TRIP11: variants seen among roughly 807,000 people sequenced by gnomAD.
TRIP11 encodes the protein thyroid receptor-interacting protein 11.
In TRIP11, 148 loss-of-function variants were observed where a neutral mutation model predicts 223.1. The observed-to-expected ratio is 0.66, with a 90% CI of 0.58 to 0.76. The LOEUF is 0.76. TRIP11 is among the 30% of genes least tolerant of loss of function. TRIP11 has a pLI of 0.00. For synonymous variants in TRIP11, 762 were observed against 772.6 expected (o/e 0.99, Z 0.23); for missense variants, 2,043 against 2,222.0 (o/e 0.92, Z 1.62).
chr14:92,025,688 C>T (rs2057175571), intron 2 of TRIP11, among the ~76,000 whole-genome samples: 1 of 152,038 alleles, frequency 6.6e-6, no homozygotes, highest in African/African-American at 2.4e-5. Context: ...ACCATCCTGG[C>T]CAACATAGGG....
At chr14:92,027,587 A>C (rs373290284) in intron 2 of TRIP11, among the ~76,000 whole-genome samples, 10 of 152,330 alleles carry the variant, frequency 6.6e-5, no homozygotes, top group Admixed American at 5.2e-4. Context: ...AAAGAACATA[A>C]TGGGGCAAAA....
intron 11 of TRIP11, among the ~76,000 whole-genome samples, chr14:92,002,840 CA>C (rs1483958741): frequency 2.0e-5 from 3 of 152,066 alleles, no homozygotes; most frequent in African/African-American, 7.2e-5. Flanking sequence ...CTTGGCCTCC[CA>C]AACTGCTGAG....
intron 19 of TRIP11, among the ~76,000 whole-genome samples, chr14:91,974,195 C>T (rs1365091574): frequency 6.6e-6 from 1 of 152,138 alleles, no homozygotes; most frequent in East Asian, 1.9e-4. Flanking sequence ...TGAGGGCAGG[C>T]GCCGTTTCTA....
intron 2 of TRIP11, among the ~76,000 whole-genome samples, chr14:92,031,341 G>A (rs1379774918): frequency 6.6e-6 from 1 of 152,000 alleles, no homozygotes; most frequent in Non-Finnish European, 1.5e-5. Flanking sequence ...CTGACCTCAA[G>A]TGATCTGCCC....
At position 91,969,153 on chromosome 14, in the gene TRIP11, G is replaced by A. The variant is rs748904826; in HGVS notation, c.*520C>T. ...AGGACCAAATACATACTTCACCTCA[G>A]GGAACCTATGACCTTCCAGCAACAA... is the stretch of plus-strand genomic sequence containing the variant. On this transcript the variant is annotated 3_prime_UTR_variant, in exon 21 of 21. Coordinates refer to ENST00000267622, the MANE Select transcript of TRIP11 (RefSeq NM_004239.4). 8.2e-6 allele frequency: 2 copies of A among 244,160 alleles called. No individual in the cohort carries two copies. The highest frequency in any genetic ancestry group is 5.9e-5 in the East Asian group (1 of 16,860). The allele number at this position is 244,160 out of a possible 1,614,324, so 15.1% of individuals were successfully genotyped here.
At chr14:92,017,139 G>A (rs1250199408) in intron 5 of TRIP11, among the ~76,000 whole-genome samples, 2 of 152,076 alleles carry the variant, frequency 1.3e-5, no homozygotes, top group Non-Finnish European at 2.9e-5. Context: ...ATAGAGTATA[G>A]AGACTTACGA....
intron 4 of TRIP11, among the ~76,000 whole-genome samples, chr14:92,020,125 G>T (rs113157454): frequency 6.6e-6 from 1 of 151,828 alleles, no homozygotes; most frequent in Non-Finnish European, 1.5e-5. Context: ...GGTGGCGGGC[G>T]CCTGTAATCC....
At chr14:91,998,785 C>A (rs548533375) in intron 13 of TRIP11, among the ~76,000 whole-genome samples, 115 of 151,944 alleles carry the variant, frequency 7.6e-4, no homozygotes, top group African/African-American at 2.7e-3. Context: ...GCTAATAAAC[C>A]CAGTTAATTC....
chr14:91,995,007 G>A (rs911061758), intron 14 of TRIP11, among the ~76,000 whole-genome samples: 4 of 152,048 alleles, frequency 2.6e-5, no homozygotes, highest in African/African-American at 4.8e-5. Context: ...TTGTATGTGC[G>A]TATCTCTCTT....
At chr14:92,029,309 T>TTTTTA (rs1385592807) in intron 2 of TRIP11, among the ~76,000 whole-genome samples, 133 of 86,936 alleles carry the variant, frequency 1.5e-3, no homozygotes, top group African/African-American at 5.2e-3. Context: ...TTTTTTTTTT[T>TTTTTA]TTTTGAGATG....
Position 91,974,522 on chromosome 14 carries a change from G to T in TRIP11, c.5574+105C>A. 3 of 933,644 alleles carry T rather than the reference G, an allele frequency of 3.2e-6. No homozygotes were observed. The South Asian group carries it at 4.3e-5, about 13-fold the overall frequency. The allele number at this position is 933,644 out of a possible 1,614,324, so 57.8% of individuals were successfully genotyped here. On this transcript the variant is annotated intron_variant, in intron 19 of 20. Coordinates refer to ENST00000267622, the MANE Select transcript of TRIP11 (RefSeq NM_004239.4). ...CAGTTTCTGCAACTTCAAAATAAAA[G>T]GGTTGTATAAAATAATTTTAAAAAA...
At chr14:92,030,195 C>G (rs1211885040) in intron 2 of TRIP11, among the ~76,000 whole-genome samples, 3 of 89,518 alleles carry the variant, frequency 3.4e-5, no homozygotes, top group African/African-American at 1.5e-4. Context: ...CAGAGCGAGA[C>G]TCCGTCTCAA....
rs773767459 is a variant in TRIP11 at position 91,999,254 on chromosome 14, T to C, written c.4878A>G (p.Ala1626=). The change falls in exon 13 of 21, where the codon GCA becomes GCG. Residue 1626 remains alanine, a synonymous_variant. Coordinates refer to ENST00000267622, the MANE Select transcript of TRIP11 (RefSeq NM_004239.4). ...GAAAAAATTACCTTGCATTTTCCAT[T>C]GCATTAGAGGATGAAACTAGCTTTT... is the stretch of plus-strand genomic sequence containing the variant. The part of the protein sequence containing the change: ...LEEKLVSSSN[A]MENASHQASV... 1.2e-6 allele frequency: 2 copies of C among 1,613,436 alleles called. No individual in the cohort carries two copies. The highest frequency in any genetic ancestry group is 1.7e-6 in the Non-Finnish European group (2 of 1,179,854).
At position 92,005,094 on chromosome 14, in the gene TRIP11, T is replaced by C. The variant is rs759874577; in HGVS notation, c.2882A>G (p.Lys961Arg). The change falls in exon 11 of 21, where the codon AAG becomes AGG. Residue 961 changes from lysine to arginine, a missense_variant. By Grantham distance (26) the Lys-to-Arg change is conservative. Coordinates refer to ENST00000267622, the MANE Select transcript of TRIP11 (RefSeq NM_004239.4). ...TTGCAAACTCTTAATTTCCTCATCC[T>C]TCTCTAAAAAGAGCTGGGTGTGTGT... ...NATHTQLFLE[K>R]DEEIKSLQKT... The C allele has an allele frequency of 1.9e-6, 3 of 1,613,864 alleles. No homozygotes were observed. The South Asian group carries it at 3.3e-5, about 18-fold the overall frequency.
chr14:92,035,581 A>T (rs868057188), intron 1 of TRIP11, among the ~76,000 whole-genome samples: 1,547 of 117,946 alleles, frequency 0.013, 12 homozygotes, highest in African/African-American at 0.015. Context: ...TTATTTATTT[A>T]TTTATTTTTT....
Position 92,003,614 on chromosome 14 carries a change from TA to T in TRIP11, c.4361del (p.Leu1454GlnfsTer8). ...CTTTTAGTTTGCCAATGTCCATCTC[TA>T]GAATTAATATTCTCTCCTTCAGGTT... ...VTNLKERILI[L>X]EMDIGKLKGE... On this transcript the variant is annotated frameshift_variant, in exon 11 of 21. Transcript: ENST00000267622. LOFTEE classifies it high-confidence loss of function. The T allele has an allele frequency of 6.2e-7, 1 of 1,614,226 alleles. No individual in the cohort carries two copies. Among genetic ancestry groups the T allele is most frequent in the Non-Finnish European group, 8.5e-7 (1 of 1,180,032 alleles).
rs190037181 is a variant in TRIP11, at chr14:91,980,682, T to C, written c.5261-4493A>G. On this transcript the variant is annotated intron_variant, in intron 16 of 20. Transcript: ENST00000267622. ...TTAATGTTAATATTTTGTGAGGTTT[T>C]CCCCCCTCCATTTTGCATGTTTGTC... 5.4e-3 allele frequency among the ~76,000 whole-genome samples: 822 copies of C among 151,936 alleles called. 8 individuals carry two copies. The highest frequency in any genetic ancestry group is 0.019 in the African/African-American group (791 of 41,436).
chr14:91,987,993 A>C (rs925461506), intron 16 of TRIP11, among the ~76,000 whole-genome samples: 2 of 152,218 alleles, frequency 1.3e-5, no homozygotes, highest in African/African-American at 4.8e-5. Context: ...CATATCCATA[A>C]AAAGTCAAAT....
Position 92,036,496 on chromosome 14 carries a change from C to T in TRIP11, c.139+3051G>A, listed in dbSNP as rs115344335. 7.5e-3 allele frequency among the ~76,000 whole-genome samples: 1,148 copies of T among 152,274 alleles called. 18 individuals carry two copies. The highest frequency in any genetic ancestry group is 0.026 in the African/African-American group (1,077 of 41,562). On this transcript the variant is annotated intron_variant, in intron 1 of 20. Coordinates refer to ENST00000267622, the MANE Select transcript of TRIP11 (RefSeq NM_004239.4). Reference sequence around the variant, plus strand: ...TAATAATTTGCCAAAAATCCCACAACTTGTAATGCACAAAAGCAGAATTTC... The same window carrying T: ...TAATAATTTGCCAAAAATCCCACAATTTGTAATGCACAAAAGCAGAATTTC...
Sources: gnomAD v4.1 joint callset for allele counts (sites outside exome capture counted in the v4.1 genomes callset) on GRCh38, gnomAD v4.1.1 for gene constraint, MANE v1.5 for transcripts, NCBI Gene and HGNC (gene_info 2026-07-23, HGNC 2026-07-21) for gene names.